Variants in OFD1 observed in about 807,000 individuals in gnomAD.
OFD1 encodes the protein centriole and centriolar satellite protein OFD1.
Under a neutral mutation model 81.4 loss-of-function variants are expected in OFD1, and 12 were observed. That is an observed-to-expected ratio of 0.15 (90% CI 0.09 to 0.24). The LOEUF is 0.24. Ranked by LOEUF, OFD1 falls within the 10% of genes least tolerant of loss-of-function variation. The pLI, the probability that OFD1 is intolerant of heterozygous loss-of-function variation, is 1.00. For missense variants in OFD1, 685 were observed against 733.9 expected (o/e 0.93, Z 0.77); for synonymous variants, 256 against 263.7 (o/e 0.97, Z 0.28).
In OFD1 at chrX:13,744,536, T is replaced by G; in HGVS notation, c.517+17T>G. 1 of 948,372 alleles carries G rather than the reference T, an allele frequency of 1.1e-6. No individual in the cohort carries two copies. The highest frequency in any genetic ancestry group is 2.0e-5 in the South Asian group (1 of 51,189). 78.2% of individuals were successfully genotyped at this position (948,372 alleles called of 1,213,427 possible). The stretch of plus-strand genomic sequence containing the variant: ...ATTCTCTGGGTAATTATAGCCTTCT[T>G]TCTTAATTTCAGTTCTGCTGTTTTC... On this transcript the variant is annotated intron_variant, in intron 6 of 22. Transcript: ENST00000340096.
Position 13,768,708 on chromosome X carries a change from A to T in OFD1, c.2929-10A>T, listed in dbSNP as rs761126459. 8.3e-7 allele frequency: 1 copy of T among 1,200,869 alleles called. No homozygotes were observed. Among genetic ancestry groups the T allele is most frequent in the Admixed American group, 2.2e-5 (1 of 46,020 alleles). On this transcript the variant is annotated splice_polypyrimidine_tract_variant and intron_variant, in intron 21 of 22. Transcript: ENST00000340096. ...AATTTCAAAATTTTCCACCCTCTCC[A>T]TGTAATCAGAGCTCAAAAAAGATGG...
At chrX:13,757,490 T>C (rs182970335) in intron 13 of OFD1, among the ~76,000 whole-genome samples, 170 bp from the exon 14 acceptor site, 14 of 112,333 alleles carry the variant, frequency 1.2e-4, no homozygotes, top group African/African-American at 4.5e-4. Flanking sequence ...GTTGTGAAAT[T>C]TGAGAGTCAG....
rs375738424 is a variant in OFD1, at chrX:13,762,915, A to C, written c.2488+471A>C. Among the ~76,000 whole-genome samples, 58 of 110,847 alleles carry C rather than the reference A, an allele frequency of 5.2e-4. 2 individuals are homozygous for C. The East Asian group carries it at 0.014, about 28-fold the overall frequency. ...AGTAGCTGGGACCAACCACAGGTGC[A>C]TGCCATCACACCCAGCTAGTTTTTT... On this transcript the variant is annotated intron_variant, in intron 18 of 22. Transcript: ENST00000340096.
the OFD1 span, among the ~76,000 whole-genome samples, chrX:13,727,986 A>G: frequency 8.9e-6 from 1 of 112,216 alleles, no homozygotes; most frequent in Non-Finnish European, 1.9e-5. Flanking sequence ...ACGCAAATAA[A>G]CTGGAAAATC....
chrX:13,770,722 A>G (rs2048279826), downstream of OFD1, among the ~76,000 whole-genome samples: 1 of 112,438 alleles, frequency 8.9e-6, no homozygotes, highest in Non-Finnish European at 1.9e-5. Flanking sequence ...ATAGAGAACT[A>G]CAGACGTGCT....
intron 18 of OFD1, 96 bp from the exon 19 acceptor site, chrX:13,763,649 G>A: frequency 1.5e-6 from 1 of 683,974 alleles, no homozygotes; most frequent in Non-Finnish European, 2.4e-6. Flanking sequence ...TTTGGCTTCA[G>A]TTCCCGTGCT....
downstream of OFD1, chrX:13,773,138 G>A (rs2048331349): frequency 3.2e-6 from 2 of 622,396 alleles, no homozygotes; most frequent in East Asian, 3.4e-5. Flanking sequence ...GGTTAATTCT[G>A]TATTAATAAA....
chrX:13,721,042 A>C, the OFD1 span: 6 of 109,564 alleles, frequency 5.5e-5, no homozygotes, highest in Non-Finnish European at 1.1e-4. Flanking sequence ...AAAAAAAAAA[A>C]CAGATTGGCA....
At chrX:13,720,001 G>C in the OFD1 span, 1 of 1,002,199 alleles carries the variant, frequency 1.0e-6, no homozygotes, top group Admixed American at 3.5e-5. Context: ...GTGAAAAATA[G>C]TACATATTTT....
At chrX:13,748,311 C>T (rs1305186935) in intron 8 of OFD1, among the ~76,000 whole-genome samples, 1 of 112,038 alleles carries the variant, frequency 8.9e-6, no homozygotes, top group East Asian at 2.8e-4. Context: ...TAAGAAGCAC[C>T]ATGTCTTTAT....
chrX:13,756,322 G>T (rs2047710168), intron 12 of OFD1, among the ~76,000 whole-genome samples: 1 of 111,619 alleles, frequency 9.0e-6, no homozygotes, highest in Non-Finnish European at 1.9e-5. Flanking sequence ...TTGGGTTCTT[G>T]GTTGCCTCTG....
At chrX:13,746,747 T>C in intron 7 of OFD1, 33 bp from the exon 8 acceptor site, 1 of 1,087,068 alleles carries the variant, frequency 9.2e-7, no homozygotes, top group Non-Finnish European at 1.3e-6. Flanking sequence ...GTATAATAGT[T>C]GGTATTTTTA....
intron 11 of OFD1, 30 bp from the exon 12 acceptor site, chrX:13,755,121 T>C (rs2047652434): frequency 9.6e-7 from 1 of 1,037,023 alleles, no homozygotes; most frequent in East Asian, 3.0e-5. Context: ...GAAAACATTA[T>C]GGTGTTTAAT....
At chrX:13,717,250 G>A in the OFD1 span, among the ~76,000 whole-genome samples, 1 of 110,481 alleles carries the variant, frequency 9.1e-6, no homozygotes, top group African/African-American at 3.3e-5. Context: ...GGACCTAGGA[G>A]TAGTGGGAGG....
In OFD1 at chrX:13,734,894, A is replaced by T. The variant is rs1249697169; in HGVS notation, c.-178A>T. 1 of 1,087,006 alleles carries T rather than the reference A, an allele frequency of 9.2e-7. No individual in the cohort carries two copies. Among genetic ancestry groups the T allele is most frequent in the East Asian group, 3.3e-5 (1 of 30,096 alleles). The allele number at this position is 1,087,006 out of a possible 1,213,427, so 89.6% of individuals were successfully genotyped here. A position where few individuals can be genotyped will look rare whatever the true frequency, so the allele number is the denominator to read the frequency against. ...AGCTCGCGTGTTTGCTAGAAAACCT[A>T]GTTGGGAGTGCGAGGCAGAGAACGT... is the stretch of plus-strand genomic sequence containing the variant. On this transcript the variant is annotated 5_prime_UTR_variant, in exon 1 of 23. Coordinates refer to ENST00000340096, the MANE Select transcript of OFD1 (RefSeq NM_003611.3).
the OFD1 span, chrX:13,722,215 A>AAAAAAAG: frequency 2.6e-5 from 2 of 75,867 alleles, no homozygotes; most frequent in South Asian, 7.9e-4. Context: ...CAGCAAAAAA[A>AAAAAAAG]AAAAAAAAAA....
At chrX:13,738,272 T>G (rs2046953488) in intron 3 of OFD1, among the ~76,000 whole-genome samples, 1 of 112,778 alleles carries the variant, frequency 8.9e-6, no homozygotes. Flanking sequence ...ACTTAACGGT[T>G]TCTACTAATG....
chrX:13,751,473 T>C, intron 10 of OFD1, 105 bp downstream of exon 10: 2 of 611,678 alleles, frequency 3.3e-6, no homozygotes, highest in Non-Finnish European at 5.0e-6. Context: ...CTTTAGTGTT[T>C]GAAAAAAAAA....
chrX:13,753,179 A>G, intron 10 of OFD1, 189 bp from the exon 11 acceptor site: 1 of 1,056,883 alleles, frequency 9.5e-7, no homozygotes, highest in Non-Finnish European at 1.2e-6. Context: ...AGGATCAAGG[A>G]AGGGTTTTAC....
Sources: allele counts gnomAD v4.1 joint callset (sites outside exome capture counted in the v4.1 genomes callset), GRCh38; gene constraint gnomAD v4.1.1; transcripts MANE v1.5; gene names NCBI Gene and HGNC (gene_info 2026-07-23, HGNC 2026-07-21).